KANK1: variants seen among roughly 807,000 people sequenced by gnomAD.
KANK1 encodes KN motif and ankyrin repeat domains 1.
A neutral mutation model predicts 106.2 loss-of-function variants in KANK1; 109 were observed. The observed-to-expected ratio is 1.03, with a 90% CI of 0.88 to 1.20. The LOEUF is 1.20. Ranked by LOEUF, KANK1 falls within the 50% of genes most tolerant of loss-of-function variation. The pLI is 0.00. For synonymous variants in KANK1, 873 were observed against 652.2 expected, an observed-to-expected ratio of 1.34 and a Z score of -5.16; for missense variants, 2,399 against 1,710.7, an observed-to-expected ratio of 1.40 and a Z score of -7.10.
At chr9:693,585 G>A (rs1050580070) in intron 2 of KANK1, 19 of 985,196 alleles carry the variant, frequency 1.9e-5, no homozygotes, top group African/African-American at 1.9e-4. Flanking sequence ...TCTCACTGAC[G>A]CCAAGAGTCC....
At chr9:686,198 G>T (rs1818513911) in intron 2 of KANK1, among the ~76,000 whole-genome samples, 1 of 152,156 alleles carries the variant, frequency 6.6e-6, no homozygotes, top group South Asian at 2.1e-4. Context: ...TCCCCCTCAT[G>T]TAAGTCTGTC....
At position 711,484 on chromosome 9, in the gene KANK1, C is replaced by T. The variant is rs59217593; in HGVS notation, c.718C>T (p.Arg240Cys). 5.0e-6 allele frequency: 8 copies of T among 1,614,144 alleles called. No homozygotes were observed. Among genetic ancestry groups the T allele is most frequent in the East Asian group, 4.5e-5 (2 of 44,884 alleles). ...CACTTCCTCCATGGGGAGCTCCATC[C>T]GCCACAGCCCCCTGAGCTCAGGGAT... Reference protein sequence around the residue: ...PTTSSMGSSIRHSPLSSGIST... With the variant: ...PTTSSMGSSICHSPLSSGIST... The change falls in exon 3 of 12, where the codon CGC becomes TGC. Residue 240 changes from arginine to cysteine, a missense_variant. Transcript: ENST00000382297.
At chr9:590,452 T>C (rs565547370) in intron 1 of KANK1, among the ~76,000 whole-genome samples, 1 of 152,272 alleles carries the variant, frequency 6.6e-6, no homozygotes, top group Non-Finnish European at 1.5e-5. Context: ...TGTCTCAAGT[T>C]ATATTTTATG....
chr9:585,912 G>T (rs923829590), intron 1 of KANK1, among the ~76,000 whole-genome samples: 1 of 152,180 alleles, frequency 6.6e-6, no homozygotes, highest in African/African-American at 2.4e-5. Context: ...AAGGTCAACA[G>T]GGGAGTTTAT....
intron 1 of KANK1, among the ~76,000 whole-genome samples, chr9:526,655 T>C (rs2059806359): frequency 6.6e-6 from 1 of 151,884 alleles, no homozygotes; most frequent in Admixed American, 6.5e-5. Context: ...AAACCGTCCA[T>C]GAAAACAGTA....
chr9:632,821 C>G (rs1306249018), intron 1 of KANK1, among the ~76,000 whole-genome samples: 1 of 152,064 alleles, frequency 6.6e-6, no homozygotes, highest in African/African-American at 2.4e-5. Context: ...ATTCGAGTAG[C>G]TGGGTTTACA....
intron 1 of KANK1, among the ~76,000 whole-genome samples, chr9:605,463 G>A (rs531422239): frequency 5.9e-5 from 9 of 151,864 alleles, no homozygotes; most frequent in East Asian, 5.8e-4. Context: ...GAGAAAGTGC[G>A]TACACTCAGT....
chr9:517,928 G>A (rs924228150), intron 1 of KANK1, among the ~76,000 whole-genome samples: 5 of 151,236 alleles, frequency 3.3e-5, no homozygotes, highest in Non-Finnish European at 5.9e-5. Flanking sequence ...AGTAGAGATG[G>A]AGTTTCACAT....
At chr9:616,167 G>C (rs1831780083) in intron 1 of KANK1, among the ~76,000 whole-genome samples, 1 of 152,126 alleles carries the variant, frequency 6.6e-6, no homozygotes, top group Non-Finnish European at 1.5e-5. Context: ...TTCAGGTTTA[G>C]GTAAACTTAG....
In KANK1 at chr9:610,931, G is replaced by A. The variant is rs149709543; in HGVS notation, c.-83-65959G>A. 2.5e-3 allele frequency among the ~76,000 whole-genome samples: 381 copies of A among 152,264 alleles called. 1 individual carries two copies. Among genetic ancestry groups the A allele is most frequent in the Admixed American group, 4.3e-3 (66 of 15,294 alleles). ...AATGGTTAACATCGTCCCCAGTCCC[G>A]TAGAAGAAGAATGAAATGGTATTCT... On this transcript the variant is annotated intron_variant, in intron 1 of 11. Transcript: ENST00000382297.
intron 8 of KANK1, among the ~76,000 whole-genome samples, chr9:739,604 T>G (rs1489866666): frequency 6.6e-6 from 1 of 152,226 alleles, no homozygotes; most frequent in Non-Finnish European, 1.5e-5. Context: ...GCCAGAGTGA[T>G]TGTTTAAACA....
intron 1 of KANK1, among the ~76,000 whole-genome samples, chr9:673,197 CTTCTTTTTTTTT>C (rs1194861237): frequency 1.7e-5 from 2 of 114,762 alleles, no homozygotes; most frequent in Admixed American, 9.5e-5. Context: ...GTGACAGTGT[CTTCTTTTTTTTT>C]TTTTTTTTTT....
intron 2 of KANK1, among the ~76,000 whole-genome samples, chr9:709,666 A>G (rs1825381899): frequency 1.3e-5 from 2 of 150,372 alleles, no homozygotes. Context: ...CCCAGGCTAG[A>G]ATGCAATGGT....
At chr9:703,579 G>A (rs1187226046) in intron 2 of KANK1, among the ~76,000 whole-genome samples, 1 of 152,118 alleles carries the variant, frequency 6.6e-6, no homozygotes, top group Non-Finnish European at 1.5e-5. Context: ...TTAGTTGGAA[G>A]CTATTACTCT....
intron 3 of KANK1, among the ~76,000 whole-genome samples, chr9:722,569 G>A (rs1380632303): frequency 6.6e-6 from 1 of 152,048 alleles, no homozygotes; most frequent in Non-Finnish European, 1.5e-5. Context: ...TGGTGCATGC[G>A]GTGCCTACAA....
chr9:590,342 A>T (rs1395718868), intron 1 of KANK1, among the ~76,000 whole-genome samples: 2 of 152,116 alleles, frequency 1.3e-5, no homozygotes, highest in African/African-American at 4.8e-5. Flanking sequence ...TGGACTAGGC[A>T]GGTGCTCCCC....
intron 1 of KANK1, among the ~76,000 whole-genome samples, chr9:559,677 A>G (rs908840411): frequency 1.3e-5 from 2 of 152,218 alleles, no homozygotes; most frequent in African/African-American, 2.4e-5. Flanking sequence ...AGACAAACAG[A>G]TATTTTTCAG....
intron 2 of KANK1, among the ~76,000 whole-genome samples, chr9:698,912 A>G (rs970095185): frequency 6.6e-6 from 1 of 152,176 alleles, no homozygotes; most frequent in Non-Finnish European, 1.5e-5. Context: ...AAAACCCTTC[A>G]ATAGCTTACC....
chr9:543,279 G>C (rs987397947), intron 1 of KANK1, among the ~76,000 whole-genome samples: 5 of 151,886 alleles, frequency 3.3e-5, no homozygotes, highest in Non-Finnish European at 7.4e-5. Flanking sequence ...ATTGAGGCCG[G>C]GCACGGTGGC....
Sources: gnomAD v4.1 joint callset for allele counts (sites outside exome capture counted in the v4.1 genomes callset) on GRCh38, gnomAD v4.1.1 for gene constraint, MANE v1.5 for transcripts, NCBI Gene and HGNC (gene_info 2026-07-23, HGNC 2026-07-21) for gene names.